The following PEDS1 variants were observed in gnomAD, a reference collection of about 807,000 sequenced individuals.
PEDS1 encodes CarF homolog.
A neutral mutation model predicts 35.2 loss-of-function variants in PEDS1; 14 were observed. The observed-to-expected ratio is 0.40, with a 90% confidence interval of 0.26 to 0.62. The LOEUF (loss-of-function observed/expected upper bound fraction) is 0.62, where lower values mean the gene tolerates loss of function less well. Among genes scored for constraint, PEDS1 ranks in the 20% least tolerant of loss-of-function variants. PEDS1 has a pLI of 0.44. For missense variants in PEDS1, 260 were observed against 367.8 expected (o/e 0.71, Z 2.40); for synonymous variants, 152 against 152.0 (o/e 1.00, Z 0.00).
At chr20:50,138,070 G>C (rs2081254951) in intron 2 of PEDS1, among the ~76,000 whole-genome samples, 1 of 152,232 alleles carries the variant, frequency 6.6e-6, no homozygotes, top group East Asian at 1.9e-4. Flanking sequence ...CCCCGCTAAT[G>C]TAAGATTTAG....
intron 3 of PEDS1, among the ~76,000 whole-genome samples, chr20:50,130,162 T>C (rs2081160897): frequency 6.6e-6 from 1 of 152,026 alleles, no homozygotes; most frequent in Non-Finnish European, 1.5e-5. Flanking sequence ...TAGCATCTCC[T>C]CCCTCTAGCC....
At chr20:50,125,254 A>G in intron 5 of PEDS1, 75 bp from the exon 6 acceptor site, 1 of 1,571,376 alleles carries the variant, frequency 6.4e-7, no homozygotes, top group Non-Finnish European at 8.7e-7. Flanking sequence ...GCTGACCTTC[A>G]CTGGGCTGGA....
rs558331972 is a variant in PEDS1, at chr20:50,128,749, C to T, written c.479-562G>A. The stretch of plus-strand genomic sequence containing the variant: ...CCTGCAAGGAGCTCTGAGGTGTTAA[C>T]GGCTCTTTAGAATTAGACCCACTCA... On this transcript the variant is annotated intron_variant, in intron 4 of 5. Coordinates refer to ENST00000371652, the MANE Select transcript of PEDS1 (RefSeq NM_199129.4). The surrounding 1 kb of genome is among the most constrained non-coding windows in gnomAD (Gnocchi z 5.2). Among the ~76,000 whole-genome samples the T allele has an allele frequency of 2.6e-5, 4 of 152,288 alleles. No homozygotes were observed. The highest frequency in any genetic ancestry group is 4.2e-4 in the South Asian group (2 of 4,816).
chr20:50,141,454 C>T, intron 2 of PEDS1, among the ~76,000 whole-genome samples: 1 of 152,230 alleles, frequency 6.6e-6, no homozygotes, highest in Non-Finnish European at 1.5e-5. Context: ...TGCTTAGTCA[C>T]TGGTTTTCTC....
In PEDS1 at chr20:50,143,444, C is replaced by G; in HGVS notation, c.241+58G>C. ...TGGACACACACACGCGCCAGTTACC[C>G]GGTGGGTCCCTGGCCCCTAGGGAAG... is the stretch of plus-strand genomic sequence containing the variant. On this transcript the variant is annotated intron_variant, in intron 2 of 5. Coordinates refer to ENST00000371652, the MANE Select transcript of PEDS1 (RefSeq NM_199129.4). 3.2e-6 allele frequency: 5 copies of G among 1,563,608 alleles called. No homozygotes were observed. In the Admixed American group the frequency reaches 9.7e-5, roughly 30 times the overall value.
chr20:50,151,158 G>C lies in PEDS1; in HGVS notation c.121+2359C>G, dbSNP rs1037676815. ...CACACAGTGAGCAGATAGAAGCAGA[G>C]AGGCCAGTGGAAAGGAAGTTGGAGA... On this transcript the variant is annotated intron_variant, in intron 1 of 5. Coordinates refer to ENST00000371652, the MANE Select transcript of PEDS1 (RefSeq NM_199129.4). The C allele has an allele frequency of 1.7e-5, 17 of 990,836 alleles. No homozygotes were observed. The Admixed American group carries it at 2.5e-4, about 14-fold the overall frequency. The allele number at this position is 990,836 out of a possible 1,614,324, so 61.4% of individuals were successfully genotyped here.
intron 2 of PEDS1, among the ~76,000 whole-genome samples, chr20:50,140,631 G>A (rs751840605): frequency 3.2e-4 from 49 of 152,172 alleles, no homozygotes; most frequent in African/African-American, 5.8e-4. Context: ...CTGTGCAAAC[G>A]TCATCTTTTC....
At chr20:50,139,639 A>G (rs2147290453) in intron 2 of PEDS1, among the ~76,000 whole-genome samples, 1 of 151,006 alleles carries the variant, frequency 6.6e-6, no homozygotes, top group South Asian at 2.1e-4. Context: ...CTAGGAGATA[A>G]GGAGCTTCAT....
chr20:50,142,460 C>T (rs983402434), intron 2 of PEDS1, among the ~76,000 whole-genome samples: 3 of 152,122 alleles, frequency 2.0e-5, no homozygotes, highest in African/African-American at 7.2e-5. Flanking sequence ...TATTTTGAGA[C>T]GGAGTCTCGC....
chr20:50,129,002 A>G lies in PEDS1; in HGVS notation c.478+544T>C, dbSNP rs1003015995. ...CCTCTACCCACCGGAGGCTGCCTGA[A>G]GAACAAATGGGTGTTAAGGTGCTGG... On this transcript the variant is annotated intron_variant, in intron 4 of 5. Coordinates refer to ENST00000371652, the MANE Select transcript of PEDS1 (RefSeq NM_199129.4). The surrounding 1 kb of genome is among the most constrained non-coding windows in gnomAD (Gnocchi z 4.2). Among the ~76,000 whole-genome samples, 8 of 152,240 alleles carry G rather than the reference A, an allele frequency of 5.3e-5. No individual in the cohort carries two copies. The highest frequency in any genetic ancestry group is 1.9e-4 in the African/African-American group (8 of 41,458).
rs1056415864 is a variant in PEDS1 at position 50,119,523 on chromosome 20, A to G, written c.*5535T>C. The G allele has an allele frequency of 2.6e-5, 4 of 152,152 alleles. No homozygotes were observed. The highest frequency in any genetic ancestry group is 6.5e-5 in the Admixed American group (1 of 15,276). 9.4% of individuals were successfully genotyped at this position (152,152 alleles called of 1,614,324 possible). ...TAAAAAATAATAATGGTTTGTGAAC[A>G]TTAATGATAACACTATCTCCAAAAT... On this transcript the variant is annotated 3_prime_UTR_variant, in exon 6 of 6. Coordinates refer to ENST00000371652, the MANE Select transcript of PEDS1 (RefSeq NM_199129.4).
intron 1 of PEDS1, among the ~76,000 whole-genome samples, chr20:50,152,003 G>C (rs563198288): frequency 2.2e-3 from 328 of 152,302 alleles, no homozygotes; most frequent in Non-Finnish European, 3.6e-3. Flanking sequence ...GGAAACCAAG[G>C]GGAAACAGAG....
intron 1 of PEDS1, chr20:50,151,141 G>A: frequency 1.2e-6 from 1 of 834,050 alleles, no homozygotes; most frequent in East Asian, 6.3e-5. Context: ...ATCACACAGT[G>A]AGCAGATAGA....
intron 5 of PEDS1, among the ~76,000 whole-genome samples, chr20:50,126,790 C>G (rs1157889538): frequency 6.6e-6 from 1 of 152,212 alleles, no homozygotes; most frequent in African/African-American, 2.4e-5. Flanking sequence ...TGGCTGCTAA[C>G]TGAGCATGGC....
intron 1 of PEDS1, among the ~76,000 whole-genome samples, chr20:50,147,896 G>A (rs148850315): frequency 7.4e-6 from 1 of 135,252 alleles, no homozygotes. Flanking sequence ...CCGTCTCTAA[G>A]AATACAAAAA....
intron 2 of PEDS1, among the ~76,000 whole-genome samples, chr20:50,141,167 G>A (rs78325311): frequency 0.027 from 4,090 of 152,300 alleles, 184 homozygotes; most frequent in African/African-American, 0.093. Context: ...GGCTATACAC[G>A]CCCTGGTGGG....
chr20:50,127,115 G>A (rs944779133), intron 5 of PEDS1, among the ~76,000 whole-genome samples: 1 of 152,192 alleles, frequency 6.6e-6, no homozygotes, highest in Non-Finnish European at 1.5e-5. Flanking sequence ...GCCTCCCACA[G>A]AGGTCTGCAC....
chr20:50,125,658 A>C (rs1327966546), intron 5 of PEDS1, among the ~76,000 whole-genome samples: 1 of 151,870 alleles, frequency 6.6e-6, no homozygotes, highest in Non-Finnish European at 1.5e-5. Context: ...CAGTGGGGCG[A>C]TCTCGGCTCA....
chr20:50,143,606 T>C lies in PEDS1; in HGVS notation c.137A>G (p.Glu46Gly), dbSNP rs1412796913. Residue 46 changes from glutamate (E) to glycine (G), a missense_variant, in exon 2 of 6, where the codon GAG (glutamate) becomes GGG (glycine). By Grantham distance (98) the Glu-to-Gly change is moderately conservative. Transcript: ENST00000371652. ...ALYSPGKRLQ[E>G]WCSVILCFSL... The stretch of plus-strand genomic sequence containing the variant: ...GAAGCACAGGATCACAGAGCACCAC[T>C]CCTGGAGGCGCTTGCCTGCAGGGAG... The C allele has an allele frequency of 6.2e-7, 1 of 1,613,952 alleles. No individual in the cohort carries two copies. Among genetic ancestry groups the C allele is most frequent in the Non-Finnish European group, 8.5e-7 (1 of 1,179,966 alleles).
Sources: allele counts gnomAD v4.1 joint callset (sites outside exome capture counted in the v4.1 genomes callset), GRCh38; gene constraint gnomAD v4.1.1; non-coding constraint Gnocchi (gnomAD v3.1); transcripts MANE v1.5; gene names NCBI Gene and HGNC (gene_info 2026-07-23, HGNC 2026-07-21).